The following STMND1 variants were observed in gnomAD, a reference collection of about 807,000 sequenced individuals.
STMND1 encodes the protein stathmin domain-containing protein 1.
Under a neutral mutation model 23.0 loss-of-function variants are expected in STMND1, and 17 were observed. The observed-to-expected ratio is 0.74, with a 90% confidence interval of 0.51 to 1.11. The LOEUF is 1.11. STMND1 is among the 50% of genes least tolerant of loss of function. STMND1 has a pLI of 0.00. For missense variants in STMND1, 305 were observed against 329.1 expected, an observed-to-expected ratio of 0.93 and a Z score of 0.57; for synonymous variants, 114 against 119.9, an observed-to-expected ratio of 0.95 and a Z score of 0.32.
At position 17,102,208 on chromosome 6, in the gene STMND1, C is replaced by CG; in HGVS notation, c.-45dup. ...GCCGGAGCGCGGCAGGGAGCGCTCG[C>CG]GGGGGCGCACAGCAGCCAAGCCCGC... On this transcript the variant is annotated 5_prime_UTR_variant, in exon 1 of 5. Transcript: ENST00000536551. 1 of 1,486,118 alleles carries CG rather than the reference C, an allele frequency of 6.7e-7. No individual in the cohort carries two copies. The highest frequency in any genetic ancestry group is 8.9e-7 in the Non-Finnish European group (1 of 1,125,740). The allele number at this position is 1,486,118 out of a possible 1,614,324, so 92.1% of individuals were successfully genotyped here.
At chr6:17,127,502 A>G (rs1375104452) in intron 3 of STMND1, among the ~76,000 whole-genome samples, 2 of 152,180 alleles carry the variant, frequency 1.3e-5, no homozygotes, top group South Asian at 4.1e-4. Flanking sequence ...GTGAGCCAAG[A>G]TCGTGTCAAT....
chr6:17,109,005 CAT>C (rs988417199), intron 1 of STMND1, among the ~76,000 whole-genome samples: 1 of 152,072 alleles, frequency 6.6e-6, no homozygotes, highest in African/African-American at 2.4e-5. Context: ...AAAACACACA[CAT>C]ATATATAACA....
chr6:17,116,938 A>T (rs1484864307), intron 2 of STMND1, among the ~76,000 whole-genome samples: 1 of 152,020 alleles, frequency 6.6e-6, no homozygotes, highest in African/African-American at 2.4e-5. Flanking sequence ...ATGCAAGCAG[A>T]TTTTTTTCTG....
At chr6:17,107,676 G>A (rs1375720282) in intron 1 of STMND1, among the ~76,000 whole-genome samples, 1 of 152,116 alleles carries the variant, frequency 6.6e-6, no homozygotes, top group Non-Finnish European at 1.5e-5. Flanking sequence ...GCTTTCTGCA[G>A]CCTCAACCTC....
intron 1 of STMND1, chr6:17,110,779 A>AAAAAATAGACATT (rs1412730744): frequency 2.2e-6 from 1 of 455,600 alleles, no homozygotes; most frequent in Non-Finnish European, 4.4e-6. Context: ...AAAAAATAAA[A>AAAAAATAGACATT]AATAGACATT....
At chr6:17,126,034 TTATA>T (rs1176278436) in intron 3 of STMND1, among the ~76,000 whole-genome samples, 1,111 of 41,970 alleles carry the variant, frequency 0.026, 47 homozygotes, top group South Asian at 0.077. Context: ...GATCATTGTT[TTATA>T]TATATATATA....
Position 17,102,235 on chromosome 6 carries a change from G to C in STMND1, c.-23G>C. 1 of 1,522,314 alleles carries C rather than the reference G, an allele frequency of 6.6e-7. No individual in the cohort carries two copies. The highest frequency in any genetic ancestry group is 8.8e-7 in the Non-Finnish European group (1 of 1,141,336). The allele number at this position is 1,522,314 out of a possible 1,614,324, so 94.3% of individuals were successfully genotyped here. A position where few individuals can be genotyped will look rare whatever the true frequency, so the allele number is the denominator to read the frequency against. On this transcript the variant is annotated 5_prime_UTR_variant, in exon 1 of 5. Coordinates refer to ENST00000536551, the MANE Select transcript of STMND1 (RefSeq NM_001190766.2). ...GGGGCGCACAGCAGCCAAGCCCGCG[G>C]AGGAGGAGCGCGCGCGCGCAGCATG... is the stretch of plus-strand genomic sequence containing the variant.
rs1454395713 is a variant in STMND1 at position 17,130,803 on chromosome 6, T to C, written c.753T>C (p.Asp251=). The change falls in exon 5 of 5, where the codon GAT becomes GAC. Residue 251 remains aspartate, a synonymous_variant. Transcript: ENST00000536551. ...KKSKCDATLI[D]RNESDESFGV... Reference sequence around the variant, plus strand: ...GTAAATGTGATGCAACCTTGATTGATAGAAACGAAAGTGATGAAAGTTTTG... The same window carrying C: ...GTAAATGTGATGCAACCTTGATTGACAGAAACGAAAGTGATGAAAGTTTTG... 6 of 1,535,898 alleles carry C rather than the reference T, an allele frequency of 3.9e-6. No homozygotes were observed. Among genetic ancestry groups the C allele is most frequent in the Admixed American group, 2.0e-5 (1 of 50,962 alleles).
intron 1 of STMND1, among the ~76,000 whole-genome samples, chr6:17,114,092 C>T (rs1761128012): frequency 6.6e-6 from 1 of 152,112 alleles, no homozygotes; most frequent in Admixed American, 6.6e-5. Flanking sequence ...TACAGCATTA[C>T]ATCTATTGTG....
chr6:17,120,969 T>C (rs1052708806), intron 3 of STMND1, among the ~76,000 whole-genome samples: 2 of 152,208 alleles, frequency 1.3e-5, no homozygotes, highest in African/African-American at 4.8e-5. Flanking sequence ...TCACCTTGAA[T>C]TGTAATCCTC....
chr6:17,123,242 A>T (rs1435285028), intron 3 of STMND1, among the ~76,000 whole-genome samples: 1 of 152,214 alleles, frequency 6.6e-6, no homozygotes, highest in African/African-American at 2.4e-5. Context: ...GACTTTTAAT[A>T]ACATCATTAA....
chr6:17,114,482 T>C (rs1310237607), intron 1 of STMND1, among the ~76,000 whole-genome samples: 1 of 152,128 alleles, frequency 6.6e-6, no homozygotes, highest in Non-Finnish European at 1.5e-5. Context: ...GGCAGGCTGG[T>C]CTTGAACTCC....
At chr6:17,110,921 T>C (rs1332217007) in intron 1 of STMND1, 1 of 454,990 alleles carries the variant, frequency 2.2e-6, no homozygotes, top group East Asian at 7.0e-5. Flanking sequence ...ATAGCATCCA[T>C]TGAAATGAGA....
intron 3 of STMND1, among the ~76,000 whole-genome samples, chr6:17,124,025 A>G (rs572998252): frequency 6.6e-6 from 1 of 152,290 alleles, no homozygotes; most frequent in Admixed American, 6.5e-5. Flanking sequence ...AATAATATTA[A>G]TACTTTGAAT....
At chr6:17,124,167 G>T (rs1177580487) in intron 3 of STMND1, among the ~76,000 whole-genome samples, 1 of 152,154 alleles carries the variant, frequency 6.6e-6, no homozygotes, top group African/African-American at 2.4e-5. Flanking sequence ...CTACAATGTG[G>T]TAAATCTTAA....
rs1357721142 is a variant in STMND1, at chr6:17,102,135, A to G, written c.-123A>G. On this transcript the variant is annotated 5_prime_UTR_variant, in exon 1 of 5. Transcript: ENST00000536551. Reference sequence around the variant, plus strand: ...GGAGAGGCGGGTGGCGCCCGAGCGCAGTAGCAGGGGCGTAGGGCGCAGGGC... The same window carrying G: ...GGAGAGGCGGGTGGCGCCCGAGCGCGGTAGCAGGGGCGTAGGGCGCAGGGC... 1.0e-6 allele frequency: 1 copy of G among 952,406 alleles called. No homozygotes were observed. Among genetic ancestry groups the G allele is most frequent in the East Asian group, 3.3e-5 (1 of 30,080 alleles). The allele number at this position is 952,406 out of a possible 1,614,324, so 59.0% of individuals were successfully genotyped here.
intron 1 of STMND1, chr6:17,111,017 A>T: frequency 3.0e-6 from 1 of 330,450 alleles, no homozygotes; most frequent in Non-Finnish European, 6.1e-6. Flanking sequence ...GTTTTTCTGA[A>T]CACATTAGCA....
At chr6:17,128,716 T>C (rs1312939789) in intron 3 of STMND1, 3 of 152,534 alleles carry the variant, frequency 2.0e-5, no homozygotes, top group Admixed American at 6.5e-5. Flanking sequence ...ATTCATTTAT[T>C]TATTTATTTA....
At chr6:17,120,955 A>G (rs1346063400) in intron 3 of STMND1, among the ~76,000 whole-genome samples, 197 bp downstream of exon 3, 3 of 152,158 alleles carry the variant, frequency 2.0e-5, no homozygotes, top group Non-Finnish European at 2.9e-5. Context: ...CTCCCACCCA[A>G]ATCTCACCTT....
Sources: gnomAD v4.1 joint callset for allele counts (sites outside exome capture counted in the v4.1 genomes callset) on GRCh38, gnomAD v4.1.1 for gene constraint, MANE v1.5 for transcripts, NCBI Gene and HGNC (gene_info 2026-07-23, HGNC 2026-07-21) for gene names.